RIF1: variants seen among roughly 807,000 people sequenced by gnomAD.
The protein encoded by RIF1 is telomere-associated protein RIF1.
In RIF1, 45 loss-of-function variants were observed where a neutral mutation model predicts 247.1. That is an observed-to-expected ratio of 0.18 (90% confidence interval 0.14 to 0.23). The LOEUF is 0.23. Ranked by LOEUF, RIF1 falls within the 10% of genes least tolerant of loss-of-function variation. The pLI, the probability that RIF1 is intolerant of heterozygous loss-of-function variation, is 1.00. For synonymous variants in RIF1, 1,087 were observed against 978.8 expected (o/e 1.11, Z -2.06); for missense variants, 2,967 against 2,862.5 (o/e 1.04, Z -0.83).
At chr2:151,493,599 G>C (rs182556846) in intron 9 of RIF1, among the ~76,000 whole-genome samples, 217 of 152,288 alleles carry the variant, frequency 1.4e-3, no homozygotes, top group Non-Finnish European at 1.2e-3. Context: ...AAAAGTTTAA[G>C]AAAGAAGTAA....
chr2:151,438,629 AGTAC>A (rs1202613559), intron 13 of RIF1, 51 bp from the exon 14 acceptor site: 2 of 1,081,064 alleles, frequency 1.9e-6, no homozygotes, highest in East Asian at 2.4e-5. Context: ...TGTTAGTCAT[AGTAC>A]GTAGTCATAT....
At chr2:151,435,719 T>A in intron 11 of RIF1, 139 bp downstream of exon 11, 1 of 582,144 alleles carries the variant, frequency 1.7e-6, no homozygotes, top group South Asian at 2.7e-5. Flanking sequence ...ACTTCATAAT[T>A]TTTAGGTTCA....
chr2:151,439,667 C>CAA (rs34523432), intron 14 of RIF1, among the ~76,000 whole-genome samples: 54 of 109,938 alleles, frequency 4.9e-4, no homozygotes, highest in African/African-American at 1.4e-3. Flanking sequence ...GAAACTCCAT[C>CAA]AAAAAAAAAA....
At chr2:151,493,713 G>T in intron 9 of RIF1, 1 of 1,253,972 alleles carries the variant, frequency 8.0e-7, no homozygotes, top group Non-Finnish European at 1.1e-6. Flanking sequence ...TAAATTAGTG[G>T]TACAACCATG....
the RIF1 span, chr2:151,524,380 G>C: frequency 6.2e-6 from 10 of 1,613,924 alleles, no homozygotes; most frequent in South Asian, 1.1e-4. Flanking sequence ...TTAAGCCATG[G>C]CTGCCTTCCT....
intron 20 of RIF1, among the ~76,000 whole-genome samples, chr2:151,448,969 T>A (rs904232108): frequency 5.3e-5 from 8 of 152,218 alleles, no homozygotes; most frequent in African/African-American, 1.9e-4. Flanking sequence ...TGTTGAGATT[T>A]TGCTTGGCTT....
chr2:151,447,467 A>G (rs1282930402), intron 20 of RIF1, among the ~76,000 whole-genome samples: 4 of 152,218 alleles, frequency 2.6e-5, no homozygotes, highest in Non-Finnish European at 5.9e-5. Flanking sequence ...AAGTCAATCC[A>G]TATAGCTCTA....
In RIF1 at chr2:151,479,964, T is replaced by A. The variant is rs2049099900; in HGVS notation, c.*4893T>A. On this transcript the variant is annotated 3_prime_UTR_variant, in exon 36 of 36. Coordinates refer to ENST00000444746, the MANE Select transcript of RIF1 (RefSeq NM_018151.5). ...CTCTTTGCAAGTAGCCGTTAAAGTG[T>A]AAGTCATTGAAGTTTGAAGATCTAT... 2 of 152,168 alleles carry A rather than the reference T, an allele frequency of 1.3e-5. No homozygotes were observed. Among genetic ancestry groups the A allele is most frequent in the South Asian group, 2.1e-4 (1 of 4,824 alleles). 9.4% of individuals were successfully genotyped at this position (152,168 alleles called of 1,614,324 possible).
chr2:151,437,289 A>T lies in RIF1; in HGVS notation c.1421A>T (p.His474Leu), dbSNP rs143890396. Reference sequence around the variant, plus strand: ...AGCAGCCCTTCCTTTTTTTCCAAACATGCAAATACACTTATCACTGCTGTT... The same window carrying T: ...AGCAGCCCTTCCTTTTTTTCCAAACTTGCAAATACACTTATCACTGCTGTT... ...LISSPSFFSK[H>L]ANTLITAVHD... Residue 474 changes from histidine to leucine, a missense_variant, in exon 13 of 36, where the codon CAT becomes CTT. This residue lies in a region of RIF1 where 369 missense variants were observed against 322.0 expected (regional missense o/e 1.15). Coordinates refer to ENST00000444746, the MANE Select transcript of RIF1 (RefSeq NM_018151.5). 2.5e-6 allele frequency: 4 copies of T among 1,613,692 alleles called. No individual in the cohort carries two copies. Among genetic ancestry groups the T allele is most frequent in the Non-Finnish European group, 3.4e-6 (4 of 1,179,900 alleles).
At chr2:151,420,474 C>G (rs1177413688) in intron 7 of RIF1, 95 bp downstream of exon 7, 7 of 1,217,502 alleles carry the variant, frequency 5.7e-6, no homozygotes, top group Non-Finnish European at 8.1e-6. Flanking sequence ...TACGGTGGCT[C>G]TCACCTGTAG....
chr2:151,439,189 A>C (rs1300309784), intron 14 of RIF1, among the ~76,000 whole-genome samples: 1 of 152,190 alleles, frequency 6.6e-6, no homozygotes, highest in African/African-American at 2.4e-5. Context: ...GAGTACACTA[A>C]GGAGGGAAGA....
chr2:151,483,565 C>A (rs2049269148), downstream of RIF1, among the ~76,000 whole-genome samples: 1 of 152,112 alleles, frequency 6.6e-6, no homozygotes, highest in African/African-American at 2.4e-5. Flanking sequence ...CCCTCAATAT[C>A]CATGGGGTAT....
At chr2:151,516,581 T>C in the RIF1 span, 89 of 1,497,408 alleles carry the variant, frequency 5.9e-5, 1 homozygote, top group South Asian at 8.0e-4. Flanking sequence ...TAGAAAGCCA[T>C]GTTAGATATC....
In RIF1 at chr2:151,497,593, A is replaced by ATAAG. The variant is rs778375317; in HGVS notation, c.*514-1749_*514-1746dup. The ATAAG allele has an allele frequency of 2.6e-6, 4 of 1,544,272 alleles. No homozygotes were observed. In the African/African-American group the frequency reaches 5.5e-5, roughly 21 times the overall value. ...TCATGAAAGTTTTCAAAATCATTAA[A>ATAAG]TAAGTAGTTTTTTTCTTTTCTTGCC... On this transcript the variant is annotated intron_variant and NMD_transcript_variant, in intron 10 of 13. Coordinates refer to the RIF1 transcript ENST00000454583.
chr2:151,471,725 T>C (rs1267944979), intron 34 of RIF1, among the ~76,000 whole-genome samples: 3 of 152,044 alleles, frequency 2.0e-5, no homozygotes, highest in Non-Finnish European at 2.9e-5. Flanking sequence ...TTCCATTGGC[T>C]TATATCTCTG....
At chr2:151,527,628 C>G in the RIF1 span, 3 of 1,439,498 alleles carry the variant, frequency 2.1e-6, no homozygotes, top group Non-Finnish European at 2.9e-6. Flanking sequence ...ATTCAGTAGG[C>G]TAAATTCATA....
chr2:151,476,313 CTT>C lies in RIF1; in HGVS notation c.*1248_*1249del, dbSNP rs928046076. On this transcript the variant is annotated 3_prime_UTR_variant, in exon 36 of 36. Coordinates refer to ENST00000444746, the MANE Select transcript of RIF1 (RefSeq NM_018151.5). ...TATATGTCTGTGTTGCCTAGGTTTT[CTT>C]TTTTTAAAGAGGTATGTAATTAAAA... The C allele has an allele frequency of 2.0e-5, 3 of 152,052 alleles. No individual in the cohort carries two copies. The highest frequency in any genetic ancestry group is 4.4e-5 in the Non-Finnish European group (3 of 67,946). The allele number at this position is 152,052 out of a possible 1,614,324, so 9.4% of individuals were successfully genotyped here.
chr2:151,458,422 C>G (rs904768491), intron 24 of RIF1, among the ~76,000 whole-genome samples: 1 of 151,588 alleles, frequency 6.6e-6, no homozygotes, highest in Non-Finnish European at 1.5e-5. Context: ...TTAGTAGAGA[C>G]AAGGTTTCAC....
At position 151,454,472 on chromosome 2, in the gene RIF1, C is replaced by G. The variant is rs556979319; in HGVS notation, c.2345-423C>G. ...TACTATAGATGAGCAAAAAAATGGT[C>G]CGTCATTCTTAGTGGAAATTTTTTG... On this transcript the variant is annotated intron_variant, in intron 21 of 35. Transcript: ENST00000444746. 2.7e-3 allele frequency among the ~76,000 whole-genome samples: 405 copies of G among 152,040 alleles called. 2 individuals carry two copies. Among genetic ancestry groups the G allele is most frequent in the African/African-American group, 9.4e-3 (389 of 41,464 alleles).
Sources: gnomAD v4.1 joint callset for allele counts (sites outside exome capture counted in the v4.1 genomes callset) on GRCh38, gnomAD v4.1.1 for gene constraint, gnomAD v4.1.1 regional missense constraint, MANE v1.5 for transcripts, NCBI Gene and HGNC (gene_info 2026-07-23, HGNC 2026-07-21) for gene names.